Variants in FGGY observed in about 807,000 individuals in gnomAD.
The protein encoded by FGGY is FGGY carbohydrate kinase domain containing, also known as FGGY carbohydrate kinase domain-containing protein.
FGGY carries 72 observed loss-of-function variants against 71.3 expected under a neutral mutation model. The ratio of observed to expected loss-of-function variants is 1.01; its 90% CI spans 0.84 to 1.23. The LOEUF is 1.23. Among genes scored for constraint, FGGY ranks in the 50% most tolerant of loss-of-function variants. The pLI, the probability that FGGY is intolerant of heterozygous loss-of-function variation, is 0.00. For missense variants in FGGY, 668 were observed against 682.3 expected (o/e 0.98, Z 0.23); for synonymous variants, 251 against 250.3 (o/e 1.00, Z -0.02).
rs576982414 is a variant in FGGY at position 59,452,765 on chromosome 1, T to C, written c.555-4196T>C. Among the ~76,000 whole-genome samples the C allele has an allele frequency of 4.6e-5, 7 of 152,342 alleles. No homozygotes were observed. The East Asian group carries it at 1.3e-3, about 29-fold the overall frequency. ...ACAGCAAGTGGCCCCTTCTTTCTTC[T>C]TAGAGCACCCTTGGTGGAAGCAGCA... On this transcript the variant is annotated intron_variant, in intron 5 of 15. Coordinates refer to ENST00000303721, the MANE Select transcript of FGGY (RefSeq NM_018291.5).
intron 12 of FGGY, 80 bp downstream of exon 12, chr1:59,660,373 A>G (rs1011730692): frequency 6.9e-6 from 7 of 1,018,854 alleles, no homozygotes; most frequent in Non-Finnish European, 1.0e-5. Context: ...AAGATACAGC[A>G]CATGCTTTTG....
intron 5 of FGGY, among the ~76,000 whole-genome samples, chr1:59,407,301 A>C (rs997193087): frequency 6.6e-6 from 1 of 152,158 alleles, no homozygotes; most frequent in African/African-American, 2.4e-5. Context: ...ATCAGATTTA[A>C]AAGCCAAGGC....
intron 8 of FGGY, among the ~76,000 whole-genome samples, chr1:59,580,450 C>G (rs763003945): frequency 1.3e-5 from 2 of 152,132 alleles, no homozygotes; most frequent in Non-Finnish European, 2.9e-5. Context: ...CTCTCAGACT[C>G]CAGTTTCATA....
intron 6 of FGGY, among the ~76,000 whole-genome samples, chr1:59,504,251 T>C (rs1332593362): frequency 1.3e-5 from 2 of 152,148 alleles, no homozygotes; most frequent in African/African-American, 4.8e-5. Flanking sequence ...CTGTATCCTT[T>C]GTAATAGTAT....
At chr1:59,388,002 T>C (rs755835338) in intron 5 of FGGY, among the ~76,000 whole-genome samples, 9 of 152,118 alleles carry the variant, frequency 5.9e-5, no homozygotes, top group Non-Finnish European at 1.2e-4. Flanking sequence ...ATTAGCTAAA[T>C]GAGGAGTGAA....
intron 10 of FGGY, among the ~76,000 whole-genome samples, chr1:59,630,711 T>C (rs2096900469): frequency 6.6e-6 from 1 of 152,196 alleles, no homozygotes; most frequent in Admixed American, 6.5e-5. Flanking sequence ...CAAATCATAA[T>C]AAAAAGAAGA....
chr1:59,536,633 C>T (rs1276357351), intron 7 of FGGY, among the ~76,000 whole-genome samples: 1 of 152,092 alleles, frequency 6.6e-6, no homozygotes, highest in Non-Finnish European at 1.5e-5. Flanking sequence ...TATCCAGCAG[C>T]ACATCAAAAA....
At chr1:59,608,999 G>A (rs564647883) in intron 9 of FGGY, among the ~76,000 whole-genome samples, 3 of 152,258 alleles carry the variant, frequency 2.0e-5, no homozygotes, top group African/African-American at 4.8e-5. Context: ...AGAAGTACAC[G>A]GTACAGAGTT....
chr1:59,735,004 C>T (rs2098087706), intron 14 of FGGY, among the ~76,000 whole-genome samples: 1 of 152,212 alleles, frequency 6.6e-6, no homozygotes, highest in East Asian at 1.9e-4. Flanking sequence ...TAAACACAAC[C>T]TTGCCTCATC....
At chr1:59,669,184 G>T (rs185420809) in intron 13 of FGGY, among the ~76,000 whole-genome samples, 34 of 152,254 alleles carry the variant, frequency 2.2e-4, no homozygotes, top group African/African-American at 7.9e-4. Context: ...TGATGGGTGG[G>T]TAGGTGAATT....
intron 12 of FGGY, among the ~76,000 whole-genome samples, chr1:59,663,715 T>C (rs2097298743): frequency 1.3e-5 from 2 of 152,172 alleles, no homozygotes; most frequent in Non-Finnish European, 2.9e-5. Flanking sequence ...GTCAAGTGAA[T>C]TGTGAGGGGT....
At chr1:59,703,628 C>T (rs1056447350) in intron 14 of FGGY, among the ~76,000 whole-genome samples, 6 of 152,242 alleles carry the variant, frequency 3.9e-5, no homozygotes, top group African/African-American at 1.4e-4. Context: ...TGGGCATCTA[C>T]TTCTAACTTG....
chr1:59,490,696 A>G lies in FGGY; in HGVS notation c.671-21615A>G, dbSNP rs527781671. Among the ~76,000 whole-genome samples, 81 of 152,156 alleles carry G rather than the reference A, an allele frequency of 5.3e-4. No individual in the cohort carries two copies. The South Asian group carries it at 0.016, about 29-fold the overall frequency. ...TGATCCATTTTGAGTTGTTTTTTGC[A>G]TAGAGTAAGAGTTGGGAGTCTAACT... On this transcript the variant is annotated intron_variant, in intron 6 of 15. Coordinates refer to ENST00000303721, the MANE Select transcript of FGGY (RefSeq NM_018291.5).
At chr1:59,636,029 A>T (rs903378412) in intron 10 of FGGY, among the ~76,000 whole-genome samples, 2 of 152,206 alleles carry the variant, frequency 1.3e-5, no homozygotes, top group African/African-American at 4.8e-5. Context: ...AGGGAATGGC[A>T]ACTGGTGTTA....
At chr1:59,613,069 GACA>G (rs1288364388) in intron 9 of FGGY, among the ~76,000 whole-genome samples, 1 of 152,144 alleles carries the variant, frequency 6.6e-6, no homozygotes, top group Non-Finnish European at 1.5e-5. Flanking sequence ...CCACCCCACT[GACA>G]ACATTAGACA....
intron 14 of FGGY, among the ~76,000 whole-genome samples, chr1:59,756,831 G>C (rs993599028): frequency 1.3e-5 from 2 of 152,028 alleles, no homozygotes; most frequent in Admixed American, 1.3e-4. Context: ...GGCAAAGATG[G>C]TCAGGGGAAA....
chr1:59,644,103 G>A (rs976086069), intron 11 of FGGY, among the ~76,000 whole-genome samples: 2 of 151,916 alleles, frequency 1.3e-5, no homozygotes, highest in African/African-American at 4.8e-5. Context: ...CCTAACCATG[G>A]TCTTTGGATT....
At chr1:59,647,895 C>A (rs1282838689) in intron 11 of FGGY, among the ~76,000 whole-genome samples, 1 of 97,184 alleles carries the variant, frequency 1.0e-5, no homozygotes, top group Non-Finnish European at 2.0e-5. Flanking sequence ...CTATCCCTCC[C>A]CCCTCCCCCC....
chr1:59,440,417 G>A lies in FGGY; in HGVS notation c.555-16544G>A, dbSNP rs186998103. On this transcript the variant is annotated intron_variant, in intron 5 of 15. Coordinates refer to ENST00000303721, the MANE Select transcript of FGGY (RefSeq NM_018291.5). ...CTCTGATCTCTTTTGTTTGTGGGTG[G>A]CTTTGTTTGTTTTTAATATGAACTC... Among the ~76,000 whole-genome samples, 266 of 152,100 alleles carry A rather than the reference G, an allele frequency of 1.7e-3. 1 individual carries two copies. The highest frequency in any genetic ancestry group is 2.4e-3 in the Non-Finnish European group (163 of 68,002).
Sources: gnomAD v4.1 joint callset for allele counts (sites outside exome capture counted in the v4.1 genomes callset) on GRCh38, gnomAD v4.1.1 for gene constraint, MANE v1.5 for transcripts, NCBI Gene and HGNC (gene_info 2026-07-23, HGNC 2026-07-21) for gene names.